The following NRROS variants were observed in gnomAD, a reference collection of about 807,000 sequenced individuals.
NRROS encodes negative regulator of reactive oxygen species.
A neutral mutation model predicts 12.0 loss-of-function variants in NRROS; 6 were observed. The ratio of observed to expected loss-of-function variants is 0.50; its 90% CI spans 0.27 to 0.98. The LOEUF (loss-of-function observed/expected upper bound fraction) is 0.98. Among genes scored for constraint, NRROS ranks in the 50% least tolerant of loss-of-function variants. The pLI, the probability that NRROS is intolerant of heterozygous loss-of-function variation, is 0.11. For missense variants in NRROS, 857 were observed against 888.2 expected (o/e 0.96, Z 0.45); for synonymous variants, 462 against 410.2 (o/e 1.13, Z -1.53).
At chr3:196,645,115 T>C (rs1278391879) in intron 1 of NRROS, among the ~76,000 whole-genome samples, 2 of 152,142 alleles carry the variant, frequency 1.3e-5, no homozygotes, top group Non-Finnish European at 2.9e-5. Flanking sequence ...AAAACTTCCA[T>C]AGGAAATGTA....
At chr3:196,652,772 G>A (rs762346552) in intron 1 of NRROS, among the ~76,000 whole-genome samples, 19 of 152,074 alleles carry the variant, frequency 1.2e-4, no homozygotes, top group Non-Finnish European at 1.9e-4. Flanking sequence ...CCCCTTACAC[G>A]TCTAGATTCA....
intron 1 of NRROS, among the ~76,000 whole-genome samples, chr3:196,646,586 C>T (rs1015554442): frequency 6.6e-6 from 1 of 152,210 alleles, no homozygotes; most frequent in Admixed American, 6.5e-5. Flanking sequence ...CGTAGGGAAG[C>T]CAGTTGGCTT....
Position 196,659,984 on chromosome 3 carries a change from A to T in NRROS, c.341A>T (p.Asp114Val). ...QGHLRSLVLG[D>V]NCLSENYEET... ...CACCTGCGCAGCCTGGTCCTGGGGG[A>T]CAACTGCCTCTCAGAGAACTACGAA... The change falls in exon 3 of 3, where the codon GAC becomes GTC. Residue 114 changes from aspartate to valine, a missense_variant. Asp to Val is a radical substitution (Grantham distance 152, BLOSUM62 -3). Transcript: ENST00000328557. The T allele has an allele frequency of 1.2e-6, 2 of 1,613,662 alleles. No homozygotes were observed. The highest frequency in any genetic ancestry group is 2.2e-5 in the South Asian group (2 of 91,060).
rs772814671 is a variant in NRROS at position 196,659,919 on chromosome 3, C to T, written c.276C>T (p.His92=). The T allele has an allele frequency of 1.1e-5, 18 of 1,614,008 alleles. No homozygotes were observed. Among genetic ancestry groups the T allele is most frequent in the Non-Finnish European group, 1.4e-5 (17 of 1,180,016 alleles). The change falls in exon 3 of 3, where the codon CAC becomes CAT. Residue 92 remains histidine, a synonymous_variant. Transcript: ENST00000328557. ...LLESLSLHSC[H]LERISRGAFQ... The stretch of plus-strand genomic sequence containing the variant: ...AGAGCCTCAGCCTGCACAGCTGCCA[C>T]CTGGAGCGCATCAGCCGCGGCGCCT...
At chr3:196,656,018 A>T (rs867152734) in intron 2 of NRROS, among the ~76,000 whole-genome samples, 16 of 152,278 alleles carry the variant, frequency 1.1e-4, no homozygotes, top group Middle Eastern at 3.4e-3. Flanking sequence ...TAAAAATACA[A>T]AAATTACCCA....
At chr3:196,640,063 C>G (rs1327556588) in intron 1 of NRROS, among the ~76,000 whole-genome samples, 188 bp downstream of exon 1, 1 of 152,220 alleles carries the variant, frequency 6.6e-6, no homozygotes, top group Non-Finnish European at 1.5e-5. Context: ...GGCTGCAGCT[C>G]TGGGTGGAGG....
At chr3:196,657,606 C>G (rs2108641930) in intron 2 of NRROS, among the ~76,000 whole-genome samples, 1 of 151,278 alleles carries the variant, frequency 6.6e-6, no homozygotes, top group East Asian at 1.9e-4. Context: ...ACGTGGGAGG[C>G]TAAGGCAGCA....
chr3:196,661,367 A>T lies in NRROS; in HGVS notation c.1724A>T (p.Gln575Leu). 1 of 1,575,202 alleles carries T rather than the reference A, an allele frequency of 6.3e-7. No homozygotes were observed. The highest frequency in any genetic ancestry group is 1.2e-5 in the South Asian group (1 of 84,804). The change falls in exon 3 of 3, where the codon CAG becomes CTG. Residue 575 changes from glutamine (Q) to leucine (L), a missense_variant. By Grantham distance (113) the Gln-to-Leu change is moderately radical. Transcript: ENST00000328557. ...AGAAACTCGCTCACAGCCCTTCCCCAGAAGGCTGTGTCTGAGCAGCTCTCG... is the reference window on the plus strand; with the variant it reads ...AGAAACTCGCTCACAGCCCTTCCCCTGAAGGCTGTGTCTGAGCAGCTCTCG... ...LRRNSLTALP[Q>L]KAVSEQLSRG...
At chr3:196,659,442 G>A (rs915125496) in intron 2 of NRROS, among the ~76,000 whole-genome samples, 11 of 151,706 alleles carry the variant, frequency 7.3e-5, no homozygotes, top group African/African-American at 2.2e-4. Context: ...GGAGTAGCTG[G>A]GATTACAGGT....
chr3:196,657,806 G>A (rs1259272932), intron 2 of NRROS, among the ~76,000 whole-genome samples: 2 of 151,904 alleles, frequency 1.3e-5, no homozygotes, highest in African/African-American at 2.4e-5. Flanking sequence ...GATGTGGAAA[G>A]AACTTGGCAA....
intron 1 of NRROS, among the ~76,000 whole-genome samples, chr3:196,653,597 C>T (rs566164826): frequency 6.6e-6 from 1 of 152,352 alleles, no homozygotes; most frequent in East Asian, 1.9e-4. Context: ...AGGTCCCCAG[C>T]AGGGCAGCAG....
rs773508224 is a variant in NRROS at position 196,654,592 on chromosome 3, G to A, written c.53G>A (p.Gly18Asp). The A allele has an allele frequency of 6.2e-7, 1 of 1,614,138 alleles. No homozygotes were observed. The highest frequency in any genetic ancestry group is 8.5e-7 in the Non-Finnish European group (1 of 1,179,996). ...LCLGFHFLTVGWRNRSGTATA... is the reference protein window; with the variant it reads ...LCLGFHFLTVDWRNRSGTATA... ...CTGGGTTTTCACTTCCTGACCGTGG[G>A]CTGGAGGAACAGAAGCGGAACAGCC... is the stretch of plus-strand genomic sequence containing the variant. The change falls in exon 2 of 3, where the codon GGC becomes GAC. Residue 18 changes from glycine to aspartate, a missense_variant. Physicochemically the swap from Gly to Asp is moderately conservative, Grantham distance 94. Coordinates refer to ENST00000328557, the MANE Select transcript of NRROS (RefSeq NM_198565.3). This position sits in a 1 kb window ranked among gnomAD's most constrained non-coding sequence, Gnocchi z 4.4.
In NRROS at chr3:196,661,005, C is replaced by G. The variant is rs1237321008; in HGVS notation, c.1362C>G (p.Ser454Arg). 6 of 1,614,052 alleles carry G rather than the reference C, an allele frequency of 3.7e-6. No individual in the cohort carries two copies. Among genetic ancestry groups the G allele is most frequent in the Admixed American group, 1.7e-5 (1 of 60,008 alleles). The change falls in exon 3 of 3, where the codon AGC becomes AGG. Residue 454 changes from serine (S) to arginine (R), a missense_variant. By Grantham distance (110) the Ser-to-Arg change is moderately radical. Coordinates refer to ENST00000328557, the MANE Select transcript of NRROS (RefSeq NM_198565.3). ...PAASDRVGPP[S>R]CVDFRNMASL... The stretch of plus-strand genomic sequence containing the variant: ...CCTCGGACCGGGTGGGCCCCCCTAG[C>G]TGTGTGGATTTCAGGAATATGGCAT...
At chr3:196,652,327 ATAAT>A (rs1271308878) in intron 1 of NRROS, among the ~76,000 whole-genome samples, 2 of 152,210 alleles carry the variant, frequency 1.3e-5, no homozygotes, top group African/African-American at 4.8e-5. Flanking sequence ...CTCACAAGTA[ATAAT>A]TAATAATTGT....
chr3:196,652,662 G>A (rs1274979698), intron 1 of NRROS, among the ~76,000 whole-genome samples: 1 of 152,178 alleles, frequency 6.6e-6, no homozygotes, highest in African/African-American at 2.4e-5. Flanking sequence ...CAAAATTCTT[G>A]ATGACCCATA....
intron 1 of NRROS, among the ~76,000 whole-genome samples, chr3:196,643,088 A>T (rs1737240336): frequency 1.4e-5 from 2 of 140,904 alleles, no homozygotes; most frequent in Admixed American, 1.4e-4. Flanking sequence ...AAAAAAAAAA[A>T]AAGATAATCG....
At position 196,660,046 on chromosome 3, in the gene NRROS, C is replaced by A. The variant is rs951812341; in HGVS notation, c.403C>A (p.Arg135=). ...AAALHALPGL[R]RLDLSGNALT... is the part of the protein sequence containing the mutation. ...CGCCCTCCACGCCCTGCCGGGCCTGCGGAGGCTGGACTTGTCAGGAAACGC... is the reference window on the plus strand; with the variant it reads ...CGCCCTCCACGCCCTGCCGGGCCTGAGGAGGCTGGACTTGTCAGGAAACGC... The change falls in exon 3 of 3, where the codon CGG becomes AGG. Residue 135 remains arginine, a synonymous_variant. Coordinates refer to ENST00000328557, the MANE Select transcript of NRROS (RefSeq NM_198565.3). The surrounding 1 kb of genome is among the most constrained non-coding windows in gnomAD (Gnocchi z 7.7). The A allele has an allele frequency of 6.2e-7, 1 of 1,613,232 alleles. No individual in the cohort carries two copies. The highest frequency in any genetic ancestry group is 8.5e-7 in the Non-Finnish European group (1 of 1,179,922).
intron 2 of NRROS, among the ~76,000 whole-genome samples, chr3:196,658,484 C>T (rs182590292): frequency 3.9e-5 from 6 of 152,202 alleles, no homozygotes; most frequent in South Asian, 2.1e-4. Context: ...GTGGTAGAGC[C>T]GAGATTCAGA....
chr3:196,654,426 A>G lies in NRROS; in HGVS notation c.-13-101A>G. The G allele has an allele frequency of 1.3e-6, 1 of 770,450 alleles. No individual in the cohort carries two copies. Among genetic ancestry groups the G allele is most frequent in the Non-Finnish European group, 2.4e-6 (1 of 423,556 alleles). 47.7% of individuals were successfully genotyped at this position (770,450 alleles called of 1,614,324 possible). ...CCTCTATGGAGCTCCACAGAGCTCCAAGACCACATAGAATTGGAACTGGCT... is the reference window on the plus strand; with the variant it reads ...CCTCTATGGAGCTCCACAGAGCTCCGAGACCACATAGAATTGGAACTGGCT... On this transcript the variant is annotated intron_variant, in intron 1 of 2. Transcript: ENST00000328557. This position sits in a 1 kb window ranked among gnomAD's most constrained non-coding sequence, Gnocchi z 4.4.
Sources: allele counts gnomAD v4.1 joint callset (sites outside exome capture counted in the v4.1 genomes callset), GRCh38; gene constraint gnomAD v4.1.1; non-coding constraint Gnocchi (gnomAD v3.1); transcripts MANE v1.5; gene names NCBI Gene and HGNC (gene_info 2026-07-23, HGNC 2026-07-21).